Variants in SDHB observed in about 807,000 individuals in gnomAD.
SDHB encodes the protein succinate dehydrogenase complex iron sulfur subunit B.
SDHB carries 21 observed loss-of-function variants against 39.7 expected under a neutral mutation model. The observed-to-expected ratio is 0.53, with a 90% CI of 0.37 to 0.76. The LOEUF (loss-of-function observed/expected upper bound fraction) is 0.76. Ranked by LOEUF, SDHB falls within the 30% of genes least tolerant of loss-of-function variation. SDHB has a pLI of 0.00. For missense variants in SDHB, 343 were observed against 350.9 expected, an observed-to-expected ratio of 0.98 and a Z score of 0.18; for synonymous variants, 118 against 117.0, an observed-to-expected ratio of 1.01 and a Z score of -0.06.
In SDHB at chr1:17,053,986, G is replaced by T. The variant is rs761996626; in HGVS notation, c.34C>A (p.Arg12=). Residue 12 remains arginine (R), a synonymous_variant, in exon 1 of 8, where the codon CGG becomes AGG. Transcript: ENST00000375499. The stretch of plus-strand genomic sequence containing the variant: ...CCGCCAAGGGTTGTGGCCGGCAACC[G>T]GCGCCTCAAGGAGAGGGCGACCACC... ...AAVVALSLRR[R]LPATTLGGAC... 6 of 1,612,808 alleles carry T rather than the reference G, an allele frequency of 3.7e-6. No individual in the cohort carries two copies. In the South Asian group the frequency reaches 4.4e-5, roughly 12 times the overall value.
chr1:17,047,878 A>G (rs2078122437), intron 1 of SDHB, among the ~76,000 whole-genome samples: 1 of 152,050 alleles, frequency 6.6e-6, no homozygotes, highest in South Asian at 2.1e-4. Flanking sequence ...TAGGGGTCTC[A>G]CTGTGTTGCC....
At position 17,027,099 on chromosome 1, in the gene SDHB, C is replaced by G. The variant is rs543940571; in HGVS notation, c.540+650G>C. On this transcript the variant is annotated intron_variant, in intron 5 of 7. Transcript: ENST00000375499. ...CTGTCTCCATTTGGTCCCCTTCCTA[C>G]CTCACGTCCACAAGTATGCAGGGAG... Among the ~76,000 whole-genome samples the G allele has an allele frequency of 2.6e-5, 4 of 152,296 alleles. No homozygotes were observed. In the East Asian group the frequency reaches 7.7e-4, roughly 29 times the overall value.
At chr1:17,025,273 A>T (rs547521859) in intron 5 of SDHB, among the ~76,000 whole-genome samples, 8 of 152,256 alleles carry the variant, frequency 5.3e-5, no homozygotes, top group African/African-American at 1.9e-4. Flanking sequence ...TCACAATAAC[A>T]TAAGTGAAAA....
intron 2 of SDHB, 97 bp from the exon 3 acceptor site, chr1:17,033,242 C>A (rs1330539217): frequency 1.3e-5 from 13 of 1,000,606 alleles, no homozygotes; most frequent in African/African-American, 4.8e-5. Flanking sequence ...ATTAGCTTAT[C>A]CATTTGGTCT....
intron 2 of SDHB, among the ~76,000 whole-genome samples, chr1:17,033,398 A>G (rs1325548796): frequency 1.3e-5 from 2 of 152,256 alleles, no homozygotes; most frequent in African/African-American, 4.8e-5. Context: ...CAAGTATGAC[A>G]CAACTTCCAT....
chr1:17,027,738 G>T lies in SDHB; in HGVS notation c.540+11C>A. On this transcript the variant is annotated intron_variant, in intron 5 of 7. Coordinates refer to ENST00000375499, the MANE Select transcript of SDHB (RefSeq NM_003000.3). Reference sequence around the variant, plus strand: ...TTCTTCAGATTGAAACAATAAATAGGGACTAATGACCAGTTTCTCACGCTC... The same window carrying T: ...TTCTTCAGATTGAAACAATAAATAGTGACTAATGACCAGTTTCTCACGCTC... 1 of 1,408,494 alleles carries T rather than the reference G, an allele frequency of 7.1e-7. No homozygotes were observed. The highest frequency in any genetic ancestry group is 1.0e-6 in the Non-Finnish European group (1 of 992,590). 87.2% of individuals were successfully genotyped at this position (1,408,494 alleles called of 1,614,324 possible). A position where few individuals can be genotyped will look rare whatever the true frequency, so the allele number is the denominator to read the frequency against.
chr1:17,035,539 T>A (rs1226595311), intron 2 of SDHB, among the ~76,000 whole-genome samples: 1 of 152,172 alleles, frequency 6.6e-6, no homozygotes, highest in East Asian at 1.9e-4. Context: ...TTACAAAGGC[T>A]AATATTTGCA....
At chr1:17,041,164 T>C (rs559255558) in intron 2 of SDHB, among the ~76,000 whole-genome samples, 1 of 152,066 alleles carries the variant, frequency 6.6e-6, no homozygotes, top group Non-Finnish European at 1.5e-5. Flanking sequence ...CAAAAAACTA[T>C]ATAATTTCTA....
At chr1:17,023,172 A>G (rs1340460456) in intron 6 of SDHB, 2 of 298,728 alleles carry the variant, frequency 6.7e-6, no homozygotes, top group Non-Finnish European at 1.3e-5. Context: ...CCACTTAATG[A>G]TTCTTTGAAC....
intron 2 of SDHB, among the ~76,000 whole-genome samples, chr1:17,044,142 T>C (rs2078095725): frequency 6.6e-6 from 1 of 152,118 alleles, no homozygotes; most frequent in Non-Finnish European, 1.5e-5. Context: ...GTTATTATTA[T>C]AGAAAACACA....
chr1:17,022,599 C>A lies in SDHB; in HGVS notation c.765+9G>T, dbSNP rs201832634. The stretch of plus-strand genomic sequence containing the variant: ...TGAGGCAGAGCTGAGGGTCACCAGC[C>A]CCACGTACCTTAGGACAGGTCCTTG... On this transcript the variant is annotated intron_variant, in intron 7 of 7. Coordinates refer to ENST00000375499, the MANE Select transcript of SDHB (RefSeq NM_003000.3). 6.2e-7 allele frequency: 1 copy of A among 1,613,666 alleles called. No individual in the cohort carries two copies. Among genetic ancestry groups the A allele is most frequent in the East Asian group, 2.2e-5 (1 of 44,866 alleles).
At chr1:17,024,510 A>G (rs1490343703) in intron 5 of SDHB, among the ~76,000 whole-genome samples, 1 of 152,178 alleles carries the variant, frequency 6.6e-6, no homozygotes, top group Non-Finnish European at 1.5e-5. Flanking sequence ...CACTGGGAAC[A>G]TCAACATCAT....
At chr1:17,023,724 T>C (rs936124064) in intron 6 of SDHB, among the ~76,000 whole-genome samples, 3 of 152,230 alleles carry the variant, frequency 2.0e-5, no homozygotes, top group Non-Finnish European at 2.9e-5. Context: ...ATTTTAAACA[T>C]CTGCAAGGCA....
intron 6 of SDHB, among the ~76,000 whole-genome samples, chr1:17,023,507 T>C (rs1410311978): frequency 6.6e-6 from 1 of 152,240 alleles, no homozygotes; most frequent in African/African-American, 2.4e-5. Context: ...AGTGACTTTC[T>C]TTGCAGTGAA....
At chr1:17,031,782 G>A (rs1470787083) in intron 3 of SDHB, among the ~76,000 whole-genome samples, 4 of 152,002 alleles carry the variant, frequency 2.6e-5, no homozygotes, top group Non-Finnish European at 5.9e-5. Flanking sequence ...ACAGAATCAA[G>A]CTACTCTCTG....
intron 1 of SDHB, among the ~76,000 whole-genome samples, chr1:17,046,917 A>G (rs952938409): frequency 2.6e-5 from 4 of 152,124 alleles, no homozygotes; most frequent in African/African-American, 9.6e-5. Flanking sequence ...TGGTTTGTCT[A>G]TGTTGGTCAG....
chr1:17,025,410 CT>C (rs35841405), intron 5 of SDHB, among the ~76,000 whole-genome samples: 101,227 of 125,962 alleles, frequency 0.8, 40,450 homozygotes, highest in East Asian at 0.9. Flanking sequence ...ATTATAAATT[CT>C]TTTTTTTTTT....
intron 1 of SDHB, among the ~76,000 whole-genome samples, chr1:17,051,986 C>T (rs560207541): frequency 9.3e-5 from 14 of 150,236 alleles, no homozygotes; most frequent in East Asian, 5.8e-4. Flanking sequence ...GGATTATAGG[C>T]GCCCACCACC....
At chr1:17,029,337 G>A (rs955831394) in intron 3 of SDHB, among the ~76,000 whole-genome samples, 10 of 151,866 alleles carry the variant, frequency 6.6e-5, no homozygotes, top group African/African-American at 2.4e-4. Context: ...TGCCCAGGCT[G>A]GGCTTGAACT....
Sources: allele counts gnomAD v4.1 joint callset (sites outside exome capture counted in the v4.1 genomes callset), GRCh38; gene constraint gnomAD v4.1.1; transcripts MANE v1.5; gene names NCBI Gene and HGNC (gene_info 2026-07-23, HGNC 2026-07-21).